Variants in VPS35 observed in about 807,000 individuals in gnomAD.
VPS35 encodes the protein vacuolar protein sorting-associated protein 35.
VPS35 carries 21 observed loss-of-function variants against 98.1 expected under a neutral mutation model. That is an observed-to-expected ratio of 0.21 (90% CI 0.15 to 0.31). The LOEUF (loss-of-function observed/expected upper bound fraction) is 0.31, where lower values mean the gene tolerates loss of function less well. Ranked by LOEUF, VPS35 falls within the 10% of genes least tolerant of loss-of-function variation. The pLI is 1.00. For missense variants in VPS35, 554 were observed against 950.8 expected, an observed-to-expected ratio of 0.58 and a Z score of 5.49; for synonymous variants, 268 against 318.2, an observed-to-expected ratio of 0.84 and a Z score of 1.68.
chr16:46,664,154 CT>C (rs1410945391), intron 13 of VPS35, among the ~76,000 whole-genome samples: 6 of 151,914 alleles, frequency 3.9e-5, no homozygotes, highest in African/African-American at 1.5e-4. Flanking sequence ...GTCTTCCTTT[CT>C]TTTTTTCTAT....
In VPS35 at chr16:46,676,687, G is replaced by A. The variant is rs776505532; in HGVS notation, c.810C>T (p.Phe270=). The A allele has an allele frequency of 6.2e-6, 10 of 1,601,904 alleles. No individual in the cohort carries two copies. The change falls in exon 8 of 17, where the codon TTC becomes TTT. Residue 270 remains phenylalanine, a synonymous_variant. Coordinates refer to ENST00000299138, the MANE Select transcript of VPS35 (RefSeq NM_018206.6). ...EYLMECIIQV[F]PDEFHLQTLN... ...AAGTCTGGAGGTGAAATTCATCAGG[G>A]AAAACCTGAAAATCAAATGATCAAT...
intron 4 of VPS35, 107 bp from the exon 5 acceptor site, chr16:46,680,960 T>G: frequency 8.0e-7 from 1 of 1,246,206 alleles, no homozygotes; most frequent in Admixed American, 1.9e-5. Context: ...AGGAACCATG[T>G]TGTTTTCTCC....
In VPS35 at chr16:46,682,132, A is replaced by G; in HGVS notation, c.146T>C (p.Met49Thr). The G allele has an allele frequency of 6.2e-7, 1 of 1,613,666 alleles. No individual in the cohort carries two copies. Among genetic ancestry groups the G allele is most frequent in the African/African-American group, 1.3e-5 (1 of 75,046 alleles). The change falls in exon 3 of 17, where the codon ATG becomes ACG. Residue 49 changes from methionine (M) to threonine (T), a missense_variant. Transcript: ENST00000299138. ...LMDALKHASN[M>T]LGELRTSMLS... Reference sequence around the variant, plus strand: ...CATAGAAGTCCGGAGTTCACCAAGCATATTAGAAGCATGTTTTAGAGCATC... The same window carrying G: ...CATAGAAGTCCGGAGTTCACCAAGCGTATTAGAAGCATGTTTTAGAGCATC...
At chr16:46,674,701 G>T in intron 8 of VPS35, 41 bp from the exon 9 acceptor site, 1 of 1,501,212 alleles carries the variant, frequency 6.7e-7, no homozygotes. Flanking sequence ...AAAAGATACA[G>T]GGTTTGGGTA....
At chr16:46,680,573 G>A (rs1966219732) in intron 5 of VPS35, 98 bp downstream of exon 5, 2 of 1,334,712 alleles carry the variant, frequency 1.5e-6, no homozygotes, top group African/African-American at 2.9e-5. Flanking sequence ...CTGGGTGGAA[G>A]AATTATTCAC....
chr16:46,657,031 T>A lies in VPS35; in HGVS notation c.*3441A>T, dbSNP rs1965849597. On this transcript the variant is annotated 3_prime_UTR_variant, in exon 17 of 17. Coordinates refer to ENST00000299138, the MANE Select transcript of VPS35 (RefSeq NM_018206.6). ...AAAAAAATAAAATATACAGTCCCTCTCCAGAGATTTTGGAAGCATGGACCA... is the reference window on the plus strand; with the variant it reads ...AAAAAAATAAAATATACAGTCCCTCACCAGAGATTTTGGAAGCATGGACCA... The A allele has an allele frequency of 6.6e-6, 1 of 152,086 alleles. No homozygotes were observed. Among genetic ancestry groups the A allele is most frequent in the South Asian group, 2.1e-4 (1 of 4,814 alleles). 9.4% of individuals were successfully genotyped at this position (152,086 alleles called of 1,614,324 possible).
At chr16:46,660,923 A>T in intron 16 of VPS35, 1 of 449,800 alleles carries the variant, frequency 2.2e-6, no homozygotes. Context: ...AGGTGGGCAG[A>T]TCACTTGAAG....
At chr16:46,687,134 C>T (rs1210238185) in intron 1 of VPS35, among the ~76,000 whole-genome samples, 1 of 152,164 alleles carries the variant, frequency 6.6e-6, no homozygotes, top group Non-Finnish European at 1.5e-5. Context: ...ATGTTAGAAA[C>T]CTATTGTGGT....
Position 46,665,949 on chromosome 16 carries a change from G to A in VPS35, c.1648-2787C>T, listed in dbSNP as rs539119449. Among the ~76,000 whole-genome samples, 455 of 151,910 alleles carry A rather than the reference G, an allele frequency of 3.0e-3. 2 individuals carry two copies. The highest frequency in any genetic ancestry group is 0.01 in the African/African-American group (431 of 41,406). ...GACAGAGTCTCACTTTGTCACCCAG[G>A]CTGGAGTGCAGTGGCGCGATCTCAG... is the stretch of plus-strand genomic sequence containing the variant. On this transcript the variant is annotated intron_variant, in intron 13 of 16. Transcript: ENST00000299138.
At chr16:46,677,019 A>G (rs1277850970) in intron 7 of VPS35, among the ~76,000 whole-genome samples, 2 of 152,062 alleles carry the variant, frequency 1.3e-5, no homozygotes, top group Non-Finnish European at 2.9e-5. Flanking sequence ...TTATTTTTAG[A>G]AGAAGCAAGA....
At chr16:46,667,325 A>G (rs1391271541) in intron 13 of VPS35, among the ~76,000 whole-genome samples, 1 of 152,110 alleles carries the variant, frequency 6.6e-6, no homozygotes, top group Non-Finnish European at 1.5e-5. Flanking sequence ...TTTGCTTGCT[A>G]TTGAGTTGCA....
At chr16:46,687,884 G>A (rs1300189746) in intron 1 of VPS35, among the ~76,000 whole-genome samples, 1 of 152,180 alleles carries the variant, frequency 6.6e-6, no homozygotes, top group Non-Finnish European at 1.5e-5. Context: ...GGACAAGACT[G>A]TGTGTCTGGC....
chr16:46,681,754 TG>T (rs540150654), intron 3 of VPS35: 3 of 551,210 alleles, frequency 5.4e-6, no homozygotes, highest in Non-Finnish European at 9.7e-6. Flanking sequence ...AAATGGCAAA[TG>T]ATTAAATTCC....
chr16:46,665,085 C>T (rs1965968865), intron 13 of VPS35, among the ~76,000 whole-genome samples: 2 of 152,176 alleles, frequency 1.3e-5, no homozygotes, highest in Admixed American at 6.5e-5. Flanking sequence ...CCGCCAACTT[C>T]CTAGAAGTAT....
At chr16:46,662,521 C>T in intron 14 of VPS35, 39 bp from the exon 15 acceptor site, 2 of 1,609,616 alleles carry the variant, frequency 1.2e-6, no homozygotes, top group Non-Finnish European at 1.7e-6. Flanking sequence ...CAAGGACCAA[C>T]CATCCTCTAG....
chr16:46,676,843 A>C, intron 7 of VPS35, 151 bp from the exon 8 acceptor site: 1 of 674,454 alleles, frequency 1.5e-6, no homozygotes, highest in Non-Finnish European at 2.7e-6. Flanking sequence ...ACTAAACATA[A>C]GCTCAGACAG....
At chr16:46,662,630 G>A in intron 14 of VPS35, 148 bp from the exon 15 acceptor site, 1 of 1,298,840 alleles carries the variant, frequency 7.7e-7, no homozygotes, top group Non-Finnish European at 1.1e-6. Flanking sequence ...GAGAGCCACA[G>A]GACACAACTG....
In VPS35 at chr16:46,662,429, G is replaced by A. The variant is rs138794859; in HGVS notation, c.1881C>T (p.Ala627=). 208 of 1,614,064 alleles carry A rather than the reference G, an allele frequency of 1.3e-4. 1 individual carries two copies. The highest frequency in any genetic ancestry group is 1.7e-4 in the Non-Finnish European group (197 of 1,180,048). Residue 627 remains alanine (A), a synonymous_variant, in exon 15 of 17, where the codon GCC becomes GCT. Transcript: ENST00000299138. ...CAAAAGTGCCAATGATCAAGGTGAT[G>A]GCAGCTAGCTGTGCTTTGGAATCGC... is the stretch of plus-strand genomic sequence containing the variant. ...EISDSKAQLA[A]ITLIIGTFER...
intron 14 of VPS35, 90 bp downstream of exon 14, chr16:46,662,893 G>T: frequency 6.9e-7 from 1 of 1,441,666 alleles, no homozygotes; most frequent in Non-Finnish European, 9.7e-7. Context: ...TAAAAGAAGA[G>T]TAAATTCATG....
Sources: allele counts gnomAD v4.1 joint callset (sites outside exome capture counted in the v4.1 genomes callset), GRCh38; gene constraint gnomAD v4.1.1; transcripts MANE v1.5; gene names NCBI Gene and HGNC (gene_info 2026-07-23, HGNC 2026-07-21).